SPINK14: variants seen among roughly 807,000 people sequenced by gnomAD.
SPINK14 encodes serine peptidase inhibitor Kazal type 14 (putative).
SPINK14 carries 6 observed loss-of-function variants against 14.2 expected under a neutral mutation model. That is an observed-to-expected ratio of 0.42 (90% CI 0.23 to 0.83). The LOEUF (loss-of-function observed/expected upper bound fraction) is 0.83. SPINK14 is among the 40% of genes least tolerant of loss of function. The probability of loss-of-function intolerance (pLI) is 0.28; values close to 1 mark genes in which losing one functional copy is unlikely to be tolerated. For synonymous variants in SPINK14, 34 were observed against 36.8 expected (o/e 0.92, Z 0.27); for missense variants, 86 against 108.3 (o/e 0.79, Z 0.91).
At chr5:148,175,316 T>G in intron 4 of SPINK14, 37 bp from the exon 5 acceptor site, 1 of 1,306,988 alleles carries the variant, frequency 7.7e-7, no homozygotes, top group Non-Finnish European at 1.1e-6. Context: ...TGACATTGTA[T>G]TACTAAATGA....
rs758067466 is a variant in SPINK14, at chr5:148,174,296, T to C, written c.174T>C (p.Pro58=). The change falls in exon 4 of 5, where the codon CCT becomes CCC. Residue 58 remains proline, a synonymous_variant. Transcript: ENST00000356972. ...SWYNGTVNPC[P]GLYQPICGTN... ...ACAATGGAACGGTCAACCCCTGCCC[T>C]GGCTTATATCAACCCATCTGCGGCA... 18 of 1,113,866 alleles carry C rather than the reference T, an allele frequency of 1.6e-5. 5 individuals carry two copies. Among genetic ancestry groups the C allele is most frequent in the Middle Eastern group, 5.5e-4 (2 of 3,654 alleles). 69.0% of individuals were successfully genotyped at this position (1,113,866 alleles called of 1,614,324 possible). A position where few individuals can be genotyped will look rare whatever the true frequency, so the allele number is the denominator to read the frequency against.
chr5:148,170,490 C>G (rs940416644), intron 2 of SPINK14, among the ~76,000 whole-genome samples: 1 of 152,090 alleles, frequency 6.6e-6, no homozygotes, highest in Non-Finnish European at 1.5e-5. Flanking sequence ...GGCCTAGCCT[C>G]AAGGGCTGCA....
chr5:148,173,681 C>CT lies in SPINK14; in HGVS notation c.112-545dup, dbSNP rs1204963699. 1.5e-4 allele frequency among the ~76,000 whole-genome samples: 14 copies of CT among 93,464 alleles called. 3 individuals carry two copies. The highest frequency in any genetic ancestry group is 2.7e-4 in the Non-Finnish European group (12 of 44,090). 61.3% of individuals were successfully genotyped at this position (93,464 alleles called of 152,430 possible). On this transcript the variant is annotated intron_variant, in intron 3 of 4. Transcript: ENST00000356972. ...AATCTATTTATCTACTCTTCTTATT[C>CT]TTTTTTTTAACCATAGCATAGTTGG...
At chr5:148,175,252 C>T (rs1755152262) in intron 4 of SPINK14, 101 bp from the exon 5 acceptor site, 2 of 769,264 alleles carry the variant, frequency 2.6e-6, no homozygotes, top group South Asian at 3.5e-5. Context: ...CTTAGTTTTT[C>T]CAAATATAAA....
At chr5:148,170,040 ACTCT>A (rs1218339597) in intron 2 of SPINK14, among the ~76,000 whole-genome samples, 6 of 145,866 alleles carry the variant, frequency 4.1e-5, no homozygotes, top group South Asian at 2.1e-4. Flanking sequence ...AGTATTTTAG[ACTCT>A]CTCTGTCTCT....
chr5:148,170,936 G>A lies in SPINK14; in HGVS notation c.74G>A (p.Gly25Asp), dbSNP rs200100653. Reference sequence around the variant, plus strand: ...ATTTTCATGTATTCTCTAGTTTCAGGCCCTAGACACTGGTGGCCACCACGT... The same window carrying A: ...ATTTTCATGTATTCTCTAGTTTCAGACCCTAGACACTGGTGGCCACCACGT... ...LIHLVLSSVSGPRHWWPPRGI... is the reference protein window; with the variant it reads ...LIHLVLSSVSDPRHWWPPRGI... The change falls in exon 3 of 5, where the codon GGC (glycine) becomes GAC (aspartate). Residue 25 changes from glycine to aspartate, a missense_variant. Transcript: ENST00000356972. The A allele has an allele frequency of 3.7e-6, 6 of 1,611,912 alleles. No individual in the cohort carries two copies. The African/African-American group carries it at 4.0e-5, about 11-fold the overall frequency.
intron 3 of SPINK14, 99 bp downstream of exon 3, chr5:148,171,072 C>A: frequency 1.8e-6 from 2 of 1,120,418 alleles, no homozygotes; most frequent in South Asian, 1.3e-5. Flanking sequence ...CAAGGTCACC[C>A]GTAATAGTCT....
chr5:148,175,362 T>C lies in SPINK14; in HGVS notation c.258T>C (p.His86=), dbSNP rs573644655. 26 of 1,597,396 alleles carry C rather than the reference T, an allele frequency of 1.6e-5. No homozygotes were observed. The African/African-American group carries it at 2.5e-4, about 16-fold the overall frequency. ...CTGATTCTTCCTTTAGGAAATCTCA[T>C]GGAAGAATCAGGTTTTACCATGATG... is the stretch of plus-strand genomic sequence containing the variant. ...CILCVESLKS[H]GRIRFYHDGK... is the part of the protein sequence containing the mutation. Residue 86 remains histidine (H), a synonymous_variant, in exon 5 of 5, where the codon CAT becomes CAC. Coordinates refer to ENST00000356972, the MANE Select transcript of SPINK14 (RefSeq NM_001001325.2).
intron 3 of SPINK14, 59 bp downstream of exon 3, chr5:148,171,032 T>C: frequency 6.6e-7 from 1 of 1,518,402 alleles, no homozygotes; most frequent in Non-Finnish European, 9.1e-7. Context: ...TCTTTTTTTT[T>C]GGAATTGTTA....
In SPINK14 at chr5:148,169,763, T is replaced by C. The variant is rs1183434085; in HGVS notation, c.31T>C (p.Leu11=). The change falls in exon 2 of 5, where the codon TTG becomes CTG. Residue 11 remains leucine, a synonymous_variant. Transcript: ENST00000356972. ...CAAATCTTTCCCAGTATTCTCACTTTTGTCCTTTATCTTGATACATTTGGT... is the reference window on the plus strand; with the variant it reads ...CAAATCTTTCCCAGTATTCTCACTTCTGTCCTTTATCTTGATACATTTGGT... MAKSFPVFSL[L]SFILIHLVLS... 6.2e-6 allele frequency: 10 copies of C among 1,607,584 alleles called. No individual in the cohort carries two copies. In the African/African-American group the frequency reaches 6.7e-5, roughly 11 times the overall value.
intron 3 of SPINK14, among the ~76,000 whole-genome samples, chr5:148,173,448 C>T (rs967362973): frequency 2.6e-5 from 4 of 152,006 alleles, no homozygotes; most frequent in Non-Finnish European, 5.9e-5. Context: ...TCTTAGTGAT[C>T]TTGCACTTTA....
rs776212486 is a variant in SPINK14 at position 148,170,960 on chromosome 5, G to A, written c.98G>A (p.Arg33His). ...VSGPRHWWPP[R>H]GIIKVKCPYE... Reference sequence around the variant, plus strand: ...GGCCCTAGACACTGGTGGCCACCACGTGGAATTATTAAGGTAATGTTCCAT... The same window carrying A: ...GGCCCTAGACACTGGTGGCCACCACATGGAATTATTAAGGTAATGTTCCAT... Residue 33 changes from arginine (R) to histidine (H), a missense_variant, in exon 3 of 5, where the codon CGT becomes CAT. Physicochemically the swap from Arg to His is conservative, Grantham distance 29. Coordinates refer to ENST00000356972, the MANE Select transcript of SPINK14 (RefSeq NM_001001325.2). The A allele has an allele frequency of 2.9e-5, 47 of 1,612,330 alleles. No homozygotes were observed. The highest frequency in any genetic ancestry group is 1.3e-4 in the East Asian group (6 of 44,864).
In SPINK14 at chr5:148,175,482, T is replaced by C. The variant is rs1482987025; in HGVS notation, c.*84T>C. ...TCCCTCTTGCGCTTTTTACATCTCC[T>C]TGCATTTGTTCTTCATGACAAAGAG... is the stretch of plus-strand genomic sequence containing the variant. On this transcript the variant is annotated 3_prime_UTR_variant, in exon 5 of 5. Coordinates refer to ENST00000356972, the MANE Select transcript of SPINK14 (RefSeq NM_001001325.2). The C allele has an allele frequency of 1.1e-5, 11 of 1,015,982 alleles. No individual in the cohort carries two copies. The East Asian group carries it at 1.5e-4, about 14-fold the overall frequency. 62.9% of individuals were successfully genotyped at this position (1,015,982 alleles called of 1,614,324 possible).
At chr5:148,171,222 G>T (rs538096118) in intron 3 of SPINK14, among the ~76,000 whole-genome samples, 1 of 152,238 alleles carries the variant, frequency 6.6e-6, no homozygotes, top group South Asian at 2.1e-4. Flanking sequence ...ATATTGAAGA[G>T]TATTGACAAT....
chr5:148,170,605 A>G (rs2113280429), intron 2 of SPINK14, among the ~76,000 whole-genome samples: 2 of 152,240 alleles, frequency 1.3e-5, no homozygotes, highest in East Asian at 3.9e-4. Context: ...CTTTAAAGTT[A>G]CAGCATTGCT....
intron 1 of SPINK14, among the ~76,000 whole-genome samples, 98 bp from the exon 2 acceptor site, chr5:148,169,563 A>G (rs1755073121): frequency 6.6e-6 from 1 of 152,190 alleles, no homozygotes; most frequent in Admixed American, 6.6e-5. Context: ...AGAATGGAAT[A>G]GGCTTTCCAA....
At chr5:148,173,417 T>C (rs1165740641) in intron 3 of SPINK14, among the ~76,000 whole-genome samples, 1 of 152,084 alleles carries the variant, frequency 6.6e-6, no homozygotes, top group Non-Finnish European at 1.5e-5. Context: ...TCGATTTTTT[T>C]CTACAGTGTC....
intron 4 of SPINK14, among the ~76,000 whole-genome samples, 162 bp from the exon 5 acceptor site, chr5:148,175,191 A>G (rs1755151444): frequency 3.1e-5 from 1 of 31,936 alleles, no homozygotes; most frequent in Non-Finnish European, 7.0e-5. Flanking sequence ...TAGGTAAGAA[A>G]TCCAATAATT....
intron 4 of SPINK14, among the ~76,000 whole-genome samples, chr5:148,174,726 AC>A (rs1755145961): frequency 6.6e-6 from 1 of 151,914 alleles, no homozygotes; most frequent in Non-Finnish European, 1.5e-5. Flanking sequence ...AAATATCTTC[AC>A]CCCCTTATGT....
Sources: gnomAD v4.1 joint callset for allele counts (sites outside exome capture counted in the v4.1 genomes callset) on GRCh38, gnomAD v4.1.1 for gene constraint, MANE v1.5 for transcripts, NCBI Gene and HGNC (gene_info 2026-07-23, HGNC 2026-07-21) for gene names.